Variants in RASAL2 observed in about 807,000 individuals in gnomAD.
RASAL2 encodes the protein RAS protein activator like 2, also known as ras GTPase-activating protein nGAP.
A neutral mutation model predicts 128.9 loss-of-function variants in RASAL2; 58 were observed. The ratio of observed to expected loss-of-function variants is 0.45; its 90% CI spans 0.36 to 0.56. The LOEUF is 0.56. Ranked by LOEUF, RASAL2 falls within the 20% of genes least tolerant of loss-of-function variation. The pLI is 0.00. For synonymous variants in RASAL2, 561 were observed against 580.8 expected, an observed-to-expected ratio of 0.97 and a Z score of 0.49; for missense variants, 1,360 against 1,601.6, an observed-to-expected ratio of 0.85 and a Z score of 2.57.
At chr1:178,466,919 GA>G (rs1647767333) in intron 16 of RASAL2, among the ~76,000 whole-genome samples, 1 of 152,192 alleles carries the variant, frequency 6.6e-6, no homozygotes, top group Admixed American at 6.5e-5. Context: ...ATGGCGGACA[GA>G]AAACAAGCTA....
chr1:178,099,967 A>G (rs183669801), intron 1 of RASAL2, among the ~76,000 whole-genome samples: 3 of 152,272 alleles, frequency 2.0e-5, no homozygotes, highest in Admixed American at 2.0e-4. Flanking sequence ...CTCAAAAAAA[A>G]AACAAAATCA....
At chr1:178,182,980 C>T (rs1363035033) in intron 1 of RASAL2, among the ~76,000 whole-genome samples, 2 of 152,062 alleles carry the variant, frequency 1.3e-5, no homozygotes, top group Non-Finnish European at 2.9e-5. Flanking sequence ...GTGGGGTTTG[C>T]AATTGCATGA....
chr1:178,201,625 G>A (rs1192340136), intron 1 of RASAL2, among the ~76,000 whole-genome samples: 1 of 152,190 alleles, frequency 6.6e-6, no homozygotes, highest in Non-Finnish European at 1.5e-5. Flanking sequence ...GCCAAGTGGT[G>A]GCACTCAACT....
intron 1 of RASAL2, among the ~76,000 whole-genome samples, chr1:178,165,976 C>G (rs1342438712): frequency 6.6e-6 from 1 of 152,048 alleles, no homozygotes; most frequent in African/African-American, 2.4e-5. Context: ...TCCCCCCCAT[C>G]TTTGTACGTA....
intron 3 of RASAL2, among the ~76,000 whole-genome samples, chr1:178,366,268 A>G (rs1412154026): frequency 6.6e-6 from 1 of 152,220 alleles, no homozygotes; most frequent in Non-Finnish European, 1.5e-5. Context: ...TAAACTGTTG[A>G]TAAATCTGGA....
At chr1:178,334,414 C>T (rs868241094) in intron 3 of RASAL2, among the ~76,000 whole-genome samples, 30 of 151,938 alleles carry the variant, frequency 2.0e-4, no homozygotes, top group African/African-American at 7.2e-4. Context: ...TCTCGGGTCA[C>T]TGCAACCTCC....
chr1:178,459,205 T>A (rs1677998985), intron 14 of RASAL2, among the ~76,000 whole-genome samples: 1 of 152,102 alleles, frequency 6.6e-6, no homozygotes, highest in South Asian at 2.1e-4. Flanking sequence ...TTAATATAAG[T>A]TTTTCTAATT....
At chr1:178,297,553 G>A (rs557583936) in intron 2 of RASAL2, among the ~76,000 whole-genome samples, 336 of 138,302 alleles carry the variant, frequency 2.4e-3, no homozygotes, top group Middle Eastern at 4.3e-3. Context: ...GTTGCAGTGA[G>A]CCAAAATCAC....
rs147617577 is a variant in RASAL2, at chr1:178,474,920, A to G, written c.*1681A>G. On this transcript the variant is annotated 3_prime_UTR_variant, in exon 18 of 18. Transcript: ENST00000367649. ...TTTTTTCTAGAAAAAGGGGATGGAA[A>G]AAAAAGGACCTGAGGGAGCCATATG... The G allele has an allele frequency of 3.7e-4, 57 of 152,318 alleles. No homozygotes were observed. Among genetic ancestry groups the G allele is most frequent in the African/African-American group, 1.2e-3 (50 of 41,572 alleles). 9.4% of individuals were successfully genotyped at this position (152,318 alleles called of 1,614,324 possible). A position where few individuals can be genotyped will look rare whatever the true frequency, so the allele number is the denominator to read the frequency against.
intron 5 of RASAL2, among the ~76,000 whole-genome samples, chr1:178,420,848 T>A (rs1332367849): frequency 6.6e-6 from 1 of 152,182 alleles, no homozygotes; most frequent in Non-Finnish European, 1.5e-5. Context: ...AAAAACTAAT[T>A]TCAGAGTCAG....
chr1:178,382,128 T>C (rs1253717760), intron 3 of RASAL2, among the ~76,000 whole-genome samples: 1 of 152,228 alleles, frequency 6.6e-6, no homozygotes, highest in East Asian at 1.9e-4. Context: ...ATAGGTATAC[T>C]GAAGATTAGT....
intron 4 of RASAL2, among the ~76,000 whole-genome samples, chr1:178,408,729 T>C (rs1172857328): frequency 3.3e-5 from 5 of 152,102 alleles, no homozygotes; most frequent in Non-Finnish European, 5.9e-5. Context: ...AAGTTACATA[T>C]AATACATATG....
chr1:178,180,756 G>A (rs1662078956), intron 1 of RASAL2, among the ~76,000 whole-genome samples: 1 of 149,112 alleles, frequency 6.7e-6, no homozygotes, highest in Non-Finnish European at 1.5e-5. Flanking sequence ...TAGCCTCTCA[G>A]CTAGTAGTAT....
At chr1:178,164,508 T>TGTGTGTGTGC (rs1661449580) in intron 1 of RASAL2, among the ~76,000 whole-genome samples, 1 of 94,002 alleles carries the variant, frequency 1.1e-5, no homozygotes, top group South Asian at 4.2e-4. Flanking sequence ...TGTGTGTGCG[T>TGTGTGTGTGC]GTGTGTGTGT....
chr1:178,146,225 G>A (rs1660725120), intron 1 of RASAL2, among the ~76,000 whole-genome samples: 1 of 152,194 alleles, frequency 6.6e-6, no homozygotes, highest in African/African-American at 2.4e-5. Context: ...GGTACTTCTG[G>A]AAAATAATAC....
At chr1:178,208,979 G>C (rs1211377464) in intron 1 of RASAL2, among the ~76,000 whole-genome samples, 1 of 151,820 alleles carries the variant, frequency 6.6e-6, no homozygotes, top group South Asian at 2.1e-4. Context: ...AGGGAAAAAA[G>C]ATTTTTTTTT....
intron 3 of RASAL2, among the ~76,000 whole-genome samples, chr1:178,328,231 G>A (rs1440886577): frequency 1.3e-5 from 2 of 151,758 alleles, no homozygotes; most frequent in Non-Finnish European, 2.9e-5. Context: ...TTAATTGTGA[G>A]TCTCTTATTC....
At position 178,442,688 on chromosome 1, in the gene RASAL2, G is replaced by A. The variant is rs751104609; in HGVS notation, c.941G>A (p.Arg314Gln). ...TVQPNKDNCR[R>Q]AENVLRLWII... ...GCCTCTTTATAGGACAATTGCAGGC[G>A]AGCTGAAAATGTTCTTCGTTTATGG... Residue 314 changes from arginine to glutamine, a missense_variant, in exon 8 of 18, where the codon CGA (arginine) becomes CAA (glutamine). Physicochemically the swap from Arg to Gln is conservative, Grantham distance 43. This residue lies in a region of RASAL2 where 617 missense variants were observed against 714.2 expected (regional missense o/e 0.86). Coordinates refer to ENST00000367649, the MANE Select transcript of RASAL2 (RefSeq NM_170692.4). 4.9e-5 allele frequency: 79 copies of A among 1,603,360 alleles called. No homozygotes were observed. Among genetic ancestry groups the A allele is most frequent in the Non-Finnish European group, 5.4e-5 (63 of 1,174,262 alleles).
At chr1:178,242,465 C>G (rs1425355753) in intron 1 of RASAL2, among the ~76,000 whole-genome samples, 10 of 89,900 alleles carry the variant, frequency 1.1e-4, no homozygotes, top group African/African-American at 3.3e-4. Context: ...CTCTCTCTCT[C>G]TCTCTCTCTC....
Sources: allele counts gnomAD v4.1 joint callset (sites outside exome capture counted in the v4.1 genomes callset), GRCh38; gene constraint gnomAD v4.1.1; regional missense constraint gnomAD v4.1.1; transcripts MANE v1.5; gene names NCBI Gene and HGNC (gene_info 2026-07-23, HGNC 2026-07-21).